Variants in KCNH7 observed in about 807,000 individuals in gnomAD.
The protein encoded by KCNH7 is voltage-gated inwardly rectifying potassium channel KCNH7.
A neutral mutation model predicts 120.8 loss-of-function variants in KCNH7; 49 were observed. The observed-to-expected ratio is 0.41, with a 90% CI of 0.32 to 0.51. KCNH7 has a LOEUF of 0.51. Among genes scored for constraint, KCNH7 ranks in the 20% least tolerant of loss-of-function variants. The pLI, the probability that KCNH7 is intolerant of heterozygous loss-of-function variation, is 0.38. For synonymous variants in KCNH7, 547 were observed against 516.1 expected (o/e 1.06, Z -0.81); for missense variants, 1,097 against 1,446.6 (o/e 0.76, Z 3.92).
chr2:162,781,554 GA>G (rs1401874410), intron 2 of KCNH7, among the ~76,000 whole-genome samples: 1 of 151,550 alleles, frequency 6.6e-6, no homozygotes, highest in Non-Finnish European at 1.5e-5. Flanking sequence ...ATTGAAAGTT[GA>G]AAAAAAATGA....
intron 2 of KCNH7, among the ~76,000 whole-genome samples, chr2:162,822,394 G>A (rs1439399367): frequency 2.0e-5 from 3 of 152,040 alleles, no homozygotes; most frequent in Non-Finnish European, 4.4e-5. Context: ...GAATAAGATA[G>A]GTTCTATTAT....
At chr2:162,720,556 T>C in intron 2 of KCNH7, among the ~76,000 whole-genome samples, 1 of 152,236 alleles carries the variant, frequency 6.6e-6, no homozygotes, top group South Asian at 2.1e-4. Flanking sequence ...ATAAAGGTTG[T>C]ATAACACACA....
intron 2 of KCNH7, among the ~76,000 whole-genome samples, chr2:162,743,478 G>GA (rs746319022): frequency 1.1e-4 from 17 of 151,810 alleles, no homozygotes; most frequent in Non-Finnish European, 2.4e-4. Context: ...TGTTACCAAA[G>GA]AAAAAATGAA....
chr2:162,439,202 A>G (rs1558945622), intron 7 of KCNH7, among the ~76,000 whole-genome samples: 1 of 151,674 alleles, frequency 6.6e-6, no homozygotes, highest in South Asian at 2.1e-4. Flanking sequence ...TCACAATTTT[A>G]AAAACTAGAG....
At chr2:162,488,688 G>A (rs796695355) in intron 6 of KCNH7, among the ~76,000 whole-genome samples, 37 of 152,066 alleles carry the variant, frequency 2.4e-4, no homozygotes, top group African/African-American at 8.5e-4. Flanking sequence ...AAAAATCTGC[G>A]CTCAGTCCTC....
chr2:162,670,651 G>A (rs889121067), intron 2 of KCNH7, among the ~76,000 whole-genome samples: 2 of 151,682 alleles, frequency 1.3e-5, no homozygotes, highest in Non-Finnish European at 2.9e-5. Context: ...TGTCAAATAA[G>A]CTATGTAGGC....
At chr2:162,783,859 C>A (rs546680439) in intron 2 of KCNH7, among the ~76,000 whole-genome samples, 4 of 152,232 alleles carry the variant, frequency 2.6e-5, no homozygotes, top group Admixed American at 2.6e-4. Flanking sequence ...GAGAATATTT[C>A]TGGATGTTTC....
At chr2:162,806,851 A>T (rs1184645186) in intron 2 of KCNH7, among the ~76,000 whole-genome samples, 3 of 151,950 alleles carry the variant, frequency 2.0e-5, no homozygotes, top group Non-Finnish European at 4.4e-5. Flanking sequence ...TTTTTTTTTA[A>T]AAAAAGATAA....
chr2:162,654,770 A>G (rs1684685225), intron 2 of KCNH7, among the ~76,000 whole-genome samples: 1 of 152,218 alleles, frequency 6.6e-6, no homozygotes, highest in Non-Finnish European at 1.5e-5. Context: ...AGAATGTGGT[A>G]TATATACACA....
intron 2 of KCNH7, among the ~76,000 whole-genome samples, chr2:162,583,691 A>G (rs1005332225): frequency 1.3e-5 from 2 of 152,134 alleles, no homozygotes; most frequent in Admixed American, 1.3e-4. Context: ...TAATGCATTT[A>G]CAAATTTAAT....
At chr2:162,411,192 G>GA (rs1687381680) in intron 9 of KCNH7, among the ~76,000 whole-genome samples, 1 of 152,090 alleles carries the variant, frequency 6.6e-6, no homozygotes, top group Non-Finnish European at 1.5e-5. Context: ...GCAAAGACAT[G>GA]AAACCAACCA....
intron 2 of KCNH7, among the ~76,000 whole-genome samples, chr2:162,630,064 A>T: frequency 6.6e-6 from 1 of 152,132 alleles, no homozygotes; most frequent in East Asian, 1.9e-4. Flanking sequence ...TACCTAAATG[A>T]AATGGATATG....
intron 2 of KCNH7, among the ~76,000 whole-genome samples, chr2:162,783,270 G>GTT (rs1483777770): frequency 6.6e-6 from 1 of 152,038 alleles, no homozygotes; most frequent in Non-Finnish European, 1.5e-5. Context: ...CCCTTCCACA[G>GTT]TTGTGTAAGA....
chr2:162,504,360 CA>C, intron 6 of KCNH7, 82 bp downstream of exon 6: 4 of 1,037,360 alleles, frequency 3.9e-6, no homozygotes, highest in Non-Finnish European at 5.9e-6. Flanking sequence ...TACCGACAGT[CA>C]TTTATAAGAA....
In KCNH7 at chr2:162,492,867, T is replaced by G. The variant is rs1407399219; in HGVS notation, c.1128+11576A>C. ...ATGTTTTTCTCTTCTTGGATCTTGT[T>G]TTTTTTTTTTTTTTTTTTTTTTTTT... On this transcript the variant is annotated intron_variant, in intron 6 of 15. Coordinates refer to ENST00000332142, the MANE Select transcript of KCNH7 (RefSeq NM_033272.4). Among the ~76,000 whole-genome samples, 3 of 78,454 alleles carry G rather than the reference T, an allele frequency of 3.8e-5. No individual in the cohort carries two copies. In the South Asian group the frequency reaches 1.2e-3, roughly 30 times the overall value. The allele number at this position is 78,454 out of a possible 152,430, so 51.5% of individuals were successfully genotyped here.
chr2:162,509,833 G>A (rs1564950), intron 5 of KCNH7, among the ~76,000 whole-genome samples: 137,028 of 151,566 alleles, frequency 0.9, 63,587 homozygotes, highest in East Asian at 1. Flanking sequence ...TTACTTCAGA[G>A]TCATATGACA....
At chr2:162,520,998 T>G (rs1691502967) in intron 3 of KCNH7, among the ~76,000 whole-genome samples, 1 of 151,870 alleles carries the variant, frequency 6.6e-6, no homozygotes, top group African/African-American at 2.4e-5. Context: ...GTTTGATCCT[T>G]TTTACTTCAC....
intron 2 of KCNH7, among the ~76,000 whole-genome samples, chr2:162,552,400 A>G (rs1692699431): frequency 6.6e-6 from 1 of 152,216 alleles, no homozygotes; most frequent in East Asian, 1.9e-4. Context: ...AAGGAGCCAA[A>G]TGAAAAATAA....
chr2:162,448,703 T>A (rs192516450), intron 6 of KCNH7, among the ~76,000 whole-genome samples: 1 of 152,206 alleles, frequency 6.6e-6, no homozygotes, highest in African/African-American at 2.4e-5. Context: ...ATCTTGGAAC[T>A]GTGGCTGAAA....
Sources: allele counts gnomAD v4.1 joint callset (sites outside exome capture counted in the v4.1 genomes callset), GRCh38; gene constraint gnomAD v4.1.1; transcripts MANE v1.5; gene names NCBI Gene and HGNC (gene_info 2026-07-23, HGNC 2026-07-21).